The following FRAS1 variants were observed in gnomAD, a reference collection of about 807,000 sequenced individuals.
FRAS1 encodes the protein Fraser extracellular matrix complex subunit 1.
A neutral mutation model predicts 435.2 loss-of-function variants in FRAS1; 290 were observed. The ratio of observed to expected loss-of-function variants is 0.67; its 90% CI spans 0.61 to 0.73. The LOEUF is 0.73. Among genes scored for constraint, FRAS1 ranks in the 30% least tolerant of loss-of-function variants. FRAS1 has a pLI of 0.00. For missense variants in FRAS1, 4,860 were observed against 5,001.5 expected (o/e 0.97, Z 0.85); for synonymous variants, 1,800 against 1,851.0 (o/e 0.97, Z 0.71).
At chr4:78,196,120 G>A (rs1229765410) in intron 2 of FRAS1, among the ~76,000 whole-genome samples, 2 of 152,068 alleles carry the variant, frequency 1.3e-5, no homozygotes, top group Non-Finnish European at 2.9e-5. Flanking sequence ...CCATTCTCCT[G>A]CCTCAGCCTC....
At chr4:78,311,864 C>A (rs539466041) in intron 15 of FRAS1, among the ~76,000 whole-genome samples, 2 of 152,204 alleles carry the variant, frequency 1.3e-5, no homozygotes, top group South Asian at 2.1e-4. Context: ...CTATAGATTT[C>A]TTTTTAAATG....
At chr4:78,407,319 A>G (rs1322693505) in intron 30 of FRAS1, among the ~76,000 whole-genome samples, 1 of 152,224 alleles carries the variant, frequency 6.6e-6, no homozygotes, top group Admixed American at 6.5e-5. Context: ...CATAGAAATG[A>G]ATCCATTCAA....
intron 50 of FRAS1, among the ~76,000 whole-genome samples, chr4:78,468,556 TTCTCTTGAGGTTG>T (rs1719606820): frequency 6.6e-6 from 1 of 151,440 alleles, no homozygotes; most frequent in Non-Finnish European, 1.5e-5. Context: ...TAAAATGCTT[TTCTCTTGAGGTTG>T]TGCAACTGTC....
Position 78,541,706 on chromosome 4 carries a change from T to A in FRAS1, c.*582T>A, listed in dbSNP as rs914321461. 3 of 152,242 alleles carry A rather than the reference T, an allele frequency of 2.0e-5. No homozygotes were observed. Among genetic ancestry groups the A allele is most frequent in the Non-Finnish European group, 4.4e-5 (3 of 68,050 alleles). 9.4% of individuals were successfully genotyped at this position (152,242 alleles called of 1,614,324 possible). ...TTGCTTTTCCAGAGCCCTTTTTACCTGGGGATTTCAGTGTGCTTAAGTAAA... is the reference window on the plus strand; with the variant it reads ...TTGCTTTTCCAGAGCCCTTTTTACCAGGGGATTTCAGTGTGCTTAAGTAAA... On this transcript the variant is annotated 3_prime_UTR_variant, in exon 74 of 74. Coordinates refer to ENST00000512123, the MANE Select transcript of FRAS1 (RefSeq NM_025074.7).
intron 23 of FRAS1, among the ~76,000 whole-genome samples, chr4:78,370,486 G>A (rs149414650): frequency 5.6e-4 from 85 of 152,256 alleles, no homozygotes; most frequent in African/African-American, 1.9e-3. Context: ...AGGTTGAAAC[G>A]GTGTAGCTGT....
chr4:78,403,299 C>A (rs1037323453), intron 30 of FRAS1, among the ~76,000 whole-genome samples: 4 of 152,130 alleles, frequency 2.6e-5, no homozygotes. Context: ...TAAAATTTTG[C>A]CATTTCAGTT....
intron 65 of FRAS1, among the ~76,000 whole-genome samples, chr4:78,513,925 G>T (rs753570437): frequency 6.6e-6 from 1 of 152,214 alleles, no homozygotes; most frequent in South Asian, 2.1e-4. Context: ...CTTAGAGTGA[G>T]CATGTTTACA....
chr4:78,317,910 G>A (rs1418670445), intron 17 of FRAS1, among the ~76,000 whole-genome samples: 1 of 152,116 alleles, frequency 6.6e-6, no homozygotes, highest in Non-Finnish European at 1.5e-5. Flanking sequence ...GATGCCTCTG[G>A]GCTGAGTGAA....
At chr4:78,062,308 A>T (rs1739795655) in intron 1 of FRAS1, among the ~76,000 whole-genome samples, 2 of 152,206 alleles carry the variant, frequency 1.3e-5, no homozygotes, top group Admixed American at 6.5e-5. Flanking sequence ...ATCCTAGTTG[A>T]CAATAATCAG....
At chr4:78,223,161 T>C (rs1033587497) in intron 2 of FRAS1, among the ~76,000 whole-genome samples, 2 of 152,160 alleles carry the variant, frequency 1.3e-5, no homozygotes, top group African/African-American at 4.8e-5. Context: ...AGTCAGTATG[T>C]CATTCCCATC....
chr4:78,263,547 T>C (rs1578214232), intron 6 of FRAS1, among the ~76,000 whole-genome samples: 1 of 152,358 alleles, frequency 6.6e-6, no homozygotes, highest in Middle Eastern at 3.4e-3. Context: ...ATTTGTTTCC[T>C]GTTTGTCTGA....
rs752674570 is a variant in FRAS1 at position 78,511,416 on chromosome 4, T to C, written c.9923T>C (p.Val3308Ala). ...GACAGTGCTATCTGCCACACACCAG[T>C]GGTGGCTGGGACATCCAGAGGCTTC... ...GTDSAICHTP[V>A]VAGTSRGFQA... The change falls in exon 64 of 74, where the codon GTG (valine) becomes GCG (alanine). Residue 3308 changes from valine to alanine, a missense_variant. Physicochemically the swap from Val to Ala is moderately conservative, Grantham distance 64. Transcript: ENST00000512123. The C allele has an allele frequency of 6.2e-7, 1 of 1,613,794 alleles. No homozygotes were observed. The highest frequency in any genetic ancestry group is 1.7e-5 in the Admixed American group (1 of 60,008).
At chr4:78,286,142 T>A in intron 13 of FRAS1, 1 of 568,234 alleles carries the variant, frequency 1.8e-6, no homozygotes. Flanking sequence ...AGTCTGTTCC[T>A]CATCTGTAAA....
chr4:78,185,004 C>T (rs1722213838), intron 2 of FRAS1, among the ~76,000 whole-genome samples: 1 of 152,200 alleles, frequency 6.6e-6, no homozygotes, highest in Non-Finnish European at 1.5e-5. Flanking sequence ...AAACAGATGT[C>T]ATAGGCCTAG....
chr4:78,250,752 G>A (rs1192786624), intron 4 of FRAS1, among the ~76,000 whole-genome samples: 1 of 152,140 alleles, frequency 6.6e-6, no homozygotes, highest in Non-Finnish European at 1.5e-5. Flanking sequence ...AAGGCTTTGT[G>A]TGTGAGAGAA....
intron 2 of FRAS1, among the ~76,000 whole-genome samples, chr4:78,119,365 T>C (rs1227638282): frequency 6.6e-6 from 1 of 152,222 alleles, no homozygotes; most frequent in African/African-American, 2.4e-5. Flanking sequence ...AGCCCTAGTA[T>C]TCTTTATCCT....
chr4:78,537,633 C>T (rs58547899), intron 72 of FRAS1, among the ~76,000 whole-genome samples: 22,981 of 152,184 alleles, frequency 0.15, 1,977 homozygotes, highest in Non-Finnish European at 0.21. Context: ...TAACCACTCA[C>T]CAAGTTTTGA....
At position 78,265,125 on chromosome 4, in the gene FRAS1, C is replaced by T. The variant is rs990940339; in HGVS notation, c.687+17C>T. ...GTATACGAGGTAAGCTTTCATGCTCCCCATGTAGGTGTTTTGACATCCGTT... is the reference window on the plus strand; with the variant it reads ...GTATACGAGGTAAGCTTTCATGCTCTCCATGTAGGTGTTTTGACATCCGTT... On this transcript the variant is annotated intron_variant, in intron 7 of 73. Transcript: ENST00000512123. The T allele has an allele frequency of 6.3e-7, 1 of 1,582,992 alleles. No individual in the cohort carries two copies. The highest frequency in any genetic ancestry group is 1.3e-5 in the African/African-American group (1 of 74,340).
chr4:78,393,517 G>A (rs1732534071), intron 29 of FRAS1, among the ~76,000 whole-genome samples: 1 of 151,994 alleles, frequency 6.6e-6, no homozygotes, highest in Non-Finnish European at 1.5e-5. Context: ...CCACATATAA[G>A]CAAGATCATG....
Sources: allele counts gnomAD v4.1 joint callset (sites outside exome capture counted in the v4.1 genomes callset), GRCh38; gene constraint gnomAD v4.1.1; transcripts MANE v1.5; gene names NCBI Gene and HGNC (gene_info 2026-07-23, HGNC 2026-07-21).